POLB: variants seen among roughly 807,000 people sequenced by gnomAD.
POLB encodes 5'-dRP lyase.
POLB carries 37 observed loss-of-function variants against 52.7 expected under a neutral mutation model. The observed-to-expected ratio is 0.70, with a 90% CI of 0.54 to 0.92. POLB has a LOEUF of 0.92. Among genes scored for constraint, POLB ranks in the 40% least tolerant of loss-of-function variants. The pLI, the probability that POLB is intolerant of heterozygous loss-of-function variation, is 0.00. For synonymous variants in POLB, 138 were observed against 131.3 expected, an observed-to-expected ratio of 1.05 and a Z score of -0.35; for missense variants, 313 against 400.8, an observed-to-expected ratio of 0.78 and a Z score of 1.87.
rs558366486 is a variant in POLB at position 42,357,146 on chromosome 8, G to C, written c.423-23G>C. ...GATTTAAATTTTACGAAAATCTTTT[G>C]TCTACTTATTCTGTCTTTATAGATA... On this transcript the variant is annotated intron_variant, in intron 7 of 13. Transcript: ENST00000265421. The C allele has an allele frequency of 2.3e-6, 3 of 1,327,884 alleles. No homozygotes were observed. The Admixed American group carries it at 6.1e-5, about 27-fold the overall frequency. 82.3% of individuals were successfully genotyped at this position (1,327,884 alleles called of 1,614,324 possible).
chr8:42,361,376 G>A lies in POLB; in HGVS notation c.621+11G>A. On this transcript the variant is annotated intron_variant, in intron 10 of 13. Coordinates refer to ENST00000265421, the MANE Select transcript of POLB (RefSeq NM_002690.3). Reference sequence around the variant, plus strand: ...GAATCAACCAAACAGGTGCCTCAGAGTTTATAATCAATGGTGATCAGTCTT... The same window carrying A: ...GAATCAACCAAACAGGTGCCTCAGAATTTATAATCAATGGTGATCAGTCTT... The A allele has an allele frequency of 6.4e-7, 1 of 1,561,434 alleles. No individual in the cohort carries two copies. The highest frequency in any genetic ancestry group is 8.8e-7 in the Non-Finnish European group (1 of 1,131,848).
At chr8:42,369,118 T>C in intron 11 of POLB, 153 bp from the exon 12 acceptor site, 1 of 542,006 alleles carries the variant, frequency 1.8e-6, no homozygotes, top group Non-Finnish European at 3.3e-6. Context: ...AAGGTAGGGA[T>C]AGTGTATTGC....
intron 3 of POLB, among the ~76,000 whole-genome samples, chr8:42,348,067 C>T (rs909971308): frequency 6.6e-6 from 1 of 152,100 alleles, no homozygotes; most frequent in African/African-American, 2.4e-5. Context: ...AAAAAAGGAC[C>T]CTCATTTACT....
intron 3 of POLB, among the ~76,000 whole-genome samples, chr8:42,345,769 A>G (rs1043960400): frequency 6.6e-6 from 1 of 152,136 alleles, no homozygotes; most frequent in Non-Finnish European, 1.5e-5. Flanking sequence ...GTGATACTCA[A>G]CCTGTAATAT....
chr8:42,363,813 G>C (rs1298444115), intron 11 of POLB, among the ~76,000 whole-genome samples: 1 of 152,016 alleles, frequency 6.6e-6, no homozygotes, highest in Admixed American at 6.6e-5. Flanking sequence ...TTGATTGGGG[G>C]GGAATTAAGA....
At chr8:42,341,853 T>A in intron 2 of POLB, 1 of 584,304 alleles carries the variant, frequency 1.7e-6, no homozygotes, top group Non-Finnish European at 3.2e-6. Context: ...AGGGACATTT[T>A]GGGATGGTTC....
At chr8:42,370,274 T>G (rs944273221) in intron 13 of POLB, 12 of 478,638 alleles carry the variant, frequency 2.5e-5, no homozygotes, top group Middle Eastern at 3.4e-4. Flanking sequence ...TTTTTTTTTT[T>G]TTTTTTTTTT....
At chr8:42,345,677 A>G (rs1455393060) in intron 3 of POLB, among the ~76,000 whole-genome samples, 1 of 152,108 alleles carries the variant, frequency 6.6e-6, no homozygotes, top group Admixed American at 6.5e-5. Flanking sequence ...AAATGCTCCA[A>G]TGAGCATTTC....
At chr8:42,359,442 C>T in intron 9 of POLB, among the ~76,000 whole-genome samples, 1 of 151,860 alleles carries the variant, frequency 6.6e-6, no homozygotes, top group Non-Finnish European at 1.5e-5. Flanking sequence ...GCAACCTCCG[C>T]CTCCCGGGCT....
At chr8:42,355,813 C>T (rs1449264137) in intron 7 of POLB, among the ~76,000 whole-genome samples, 1 of 152,084 alleles carries the variant, frequency 6.6e-6, no homozygotes, top group East Asian at 1.9e-4. Flanking sequence ...AGGGAACTTC[C>T]TCTTAAAATA....
At chr8:42,370,798 A>G (rs1456551009) in intron 13 of POLB, among the ~76,000 whole-genome samples, 1 of 152,166 alleles carries the variant, frequency 6.6e-6, no homozygotes, top group Non-Finnish European at 1.5e-5. Flanking sequence ...AGCTTTAAAG[A>G]AAAAAATCAT....
intron 6 of POLB, among the ~76,000 whole-genome samples, chr8:42,354,034 C>T (rs1458941204): frequency 6.6e-6 from 1 of 152,014 alleles, no homozygotes; most frequent in African/African-American, 2.4e-5. Context: ...GTATAGACAG[C>T]TTATATGAGA....
At chr8:42,362,726 T>TA (rs2307165) in intron 11 of POLB, 28 bp downstream of exon 11, 1,006 of 1,287,138 alleles carry the variant, frequency 7.8e-4, no homozygotes, top group Non-Finnish European at 8.6e-4. Context: ...TTAGCACATC[T>TA]AAAAAAAAAC....
chr8:42,339,812 CCA>C (rs1232144514), intron 2 of POLB: 4 of 151,060 alleles, frequency 2.6e-5, no homozygotes, highest in Non-Finnish European at 5.9e-5. Context: ...CTCAAATGGT[CCA>C]CACACCTTGG....
At chr8:42,353,675 G>A (rs1255858572) in intron 6 of POLB, among the ~76,000 whole-genome samples, 2 of 152,070 alleles carry the variant, frequency 1.3e-5, no homozygotes, top group African/African-American at 2.4e-5. Context: ...TGGCATTTGG[G>A]ATTTAGTATT....
At chr8:42,355,418 C>T in intron 6 of POLB, 98 bp from the exon 7 acceptor site, 1 of 683,764 alleles carries the variant, frequency 1.5e-6, no homozygotes, top group Non-Finnish European at 2.7e-6. Flanking sequence ...TGTATTTGTT[C>T]CCCAGGTGGT....
At chr8:42,365,312 T>G (rs1264948868) in intron 11 of POLB, among the ~76,000 whole-genome samples, 1 of 152,214 alleles carries the variant, frequency 6.6e-6, no homozygotes, top group Non-Finnish European at 1.5e-5. Context: ...ATCTCTGATT[T>G]GTTCTCTTGA....
At chr8:42,345,984 C>T (rs1306765810) in intron 3 of POLB, among the ~76,000 whole-genome samples, 1 of 151,578 alleles carries the variant, frequency 6.6e-6, no homozygotes, top group Non-Finnish European at 1.5e-5. Context: ...TGCAGTGGCA[C>T]GATCTTGGGT....
intron 11 of POLB, among the ~76,000 whole-genome samples, chr8:42,364,160 C>T (rs1823899188): frequency 6.6e-6 from 1 of 152,160 alleles, no homozygotes; most frequent in African/African-American, 2.4e-5. Flanking sequence ...CTCCTGACCT[C>T]AGGTGATCCG....
Sources: gnomAD v4.1 joint callset for allele counts (sites outside exome capture counted in the v4.1 genomes callset) on GRCh38, gnomAD v4.1.1 for gene constraint, MANE v1.5 for transcripts, NCBI Gene and HGNC (gene_info 2026-07-23, HGNC 2026-07-21) for gene names.